The following L1CAM variants were observed in gnomAD, a reference collection of about 807,000 sequenced individuals.
The protein encoded by L1CAM is L1 cell adhesion molecule.
Under a neutral mutation model 93.0 loss-of-function variants are expected in L1CAM, and 8 were observed. The observed-to-expected ratio is 0.09, with a 90% CI of 0.05 to 0.16. L1CAM has a LOEUF of 0.16. L1CAM is among the 10% of genes least tolerant of loss of function. The pLI is 1.00. For missense variants in L1CAM, 777 were observed against 1,073.4 expected, an observed-to-expected ratio of 0.72 and a Z score of 3.86; for synonymous variants, 453 against 453.0, an observed-to-expected ratio of 1.00 and a Z score of 0.00.
At chrX:153,874,518 G>A (rs2064798503) in intron 2 of L1CAM, among the ~76,000 whole-genome samples, 1 of 112,522 alleles carries the variant, frequency 8.9e-6, no homozygotes, top group African/African-American at 3.2e-5. Flanking sequence ...AGTCTGCCTG[G>A]CCCTGGCCCT....
Position 153,868,928 on chromosome X carries a change from G to A in L1CAM, c.1292C>T (p.Ala431Val), listed in dbSNP as rs782779421. The change falls in exon 12 of 29, where the codon GCG becomes GTG. Residue 431 changes from alanine to valine, a missense_variant. Physicochemically the swap from Ala to Val is moderately conservative, Grantham distance 64. This residue lies in a region of L1CAM where 574 missense variants were observed against 781.0 expected (regional missense o/e 0.73). Coordinates refer to ENST00000370060, the MANE Select transcript of L1CAM (RefSeq NM_001278116.2). ...GACAGCCATGTACGTCTGATTGTCC[G>A]CAGTCAGGATCTTGGCTGGCAGCTC... ...VVQLPAKILT[A>V]DNQTYMAVQG... 1.8e-5 allele frequency: 22 copies of A among 1,210,246 alleles called. No homozygotes were observed. The highest frequency in any genetic ancestry group is 1.2e-4 in the South Asian group (7 of 56,996).
In L1CAM at chrX:153,863,534, T is replaced by C. The variant is rs1569544583; in HGVS notation, c.3473A>G (p.Asp1158Gly). The C allele has an allele frequency of 1.7e-6, 2 of 1,209,224 alleles. No individual in the cohort carries two copies. The highest frequency in any genetic ancestry group is 3.0e-5 in the East Asian group (1 of 33,812). The stretch of plus-strand genomic sequence containing the variant: ...TCGGGCCTCAGAGTCCACCTGGGTG[T>C]CCTCCTTATCCTTCACTGGAGACAC... ...GGKYSVKDKE[D>G]TQVDSEARPM... Residue 1158 changes from aspartate (D) to glycine (G), a missense_variant, in exon 27 of 29, where the codon GAC becomes GGC. Physicochemically the swap from Asp to Gly is moderately conservative, Grantham distance 94 (BLOSUM62 -1). Around this residue, in one of 5 missense-constraint regions of L1CAM, gnomAD observed 110 missense variants for 141.7 expected, o/e 0.78. Coordinates refer to ENST00000370060, the MANE Select transcript of L1CAM (RefSeq NM_001278116.2).
chrX:153,864,671 G>A lies in L1CAM; in HGVS notation c.3080C>T (p.Ala1027Val), dbSNP rs2064695109. 1.7e-6 allele frequency: 2 copies of A among 1,211,381 alleles called. No homozygotes were observed. Among genetic ancestry groups the A allele is most frequent in the Non-Finnish European group, 2.2e-6 (2 of 895,135 alleles). Residue 1027 changes from alanine (A) to valine (V), a missense_variant, in exon 24 of 29, where the codon GCG becomes GTG. Physicochemically the swap from Ala to Val is moderately conservative, Grantham distance 64. Around this residue, in one of 5 missense-constraint regions of L1CAM, gnomAD observed 18 missense variants for 53.0 expected, o/e 0.34. Transcript: ENST00000370060. ...GGAGACGACACTGTAGTTTTCACCC[G>A]CTGTGGCTGAGATGTTGCCAAAATC... ...ISDFGNISAT[A>V]GENYSVVSWV...
rs782783740 is a variant in L1CAM, at chrX:153,867,806, T to C, written c.1933A>G (p.Ile645Val). ...CTGAGCTCAAGCCTCTTACTCTCAA[T>C]GGGGGCATTGTGGTCTTCTGCAGGA... is the stretch of plus-strand genomic sequence containing the variant. The part of the protein sequence containing the change: ...WSPAEDHNAP[I>V]EKYDIEFEDK... Residue 645 changes from isoleucine (I) to valine (V), a missense_variant, in exon 16 of 29, where the codon ATT becomes GTT. Transcript: ENST00000370060. The C allele has an allele frequency of 1.7e-6, 2 of 1,203,265 alleles. No homozygotes were observed. The highest frequency in any genetic ancestry group is 3.5e-5 in the African/African-American group (2 of 56,975).
Position 153,870,970 on chromosome X carries a change from G to T in L1CAM, c.524-10C>A, listed in dbSNP as rs1557092927. 14 of 1,211,137 alleles carry T rather than the reference G, an allele frequency of 1.2e-5. No individual in the cohort carries two copies. The highest frequency in any genetic ancestry group is 1.5e-5 in the Non-Finnish European group (13 of 895,288). Reference sequence around the variant, plus strand: ...TTGATGTGCAAGATCTCTGCAGGGGGCAAGGAGGCCGAAGTCATGACCCCG... The same window carrying T: ...TTGATGTGCAAGATCTCTGCAGGGGTCAAGGAGGCCGAAGTCATGACCCCG... On this transcript the variant is annotated splice_polypyrimidine_tract_variant and intron_variant, in intron 6 of 28. Coordinates refer to ENST00000370060, the MANE Select transcript of L1CAM (RefSeq NM_001278116.2).
At chrX:153,884,922 C>T (rs2064869752) in intron 1 of L1CAM, among the ~76,000 whole-genome samples, 1 of 112,961 alleles carries the variant, frequency 8.9e-6, no homozygotes, top group Non-Finnish European at 1.9e-5. Context: ...GCCCCGATGC[C>T]CCTGCCCTCA....
At chrX:153,874,356 G>T (rs1044462417) in intron 2 of L1CAM, among the ~76,000 whole-genome samples, 15 of 113,093 alleles carry the variant, frequency 1.3e-4, no homozygotes, top group African/African-American at 4.8e-4. Flanking sequence ...GTGTTATATT[G>T]TGTATCCACC....
In L1CAM at chrX:153,864,670, C is replaced by A. The variant is rs139393266; in HGVS notation, c.3081G>T (p.Ala1027=). The change falls in exon 24 of 29, where the codon GCG becomes GCT. Residue 1027 remains alanine (A), a synonymous_variant. Coordinates refer to ENST00000370060, the MANE Select transcript of L1CAM (RefSeq NM_001278116.2). Reference sequence around the variant, plus strand: ...AGGAGACGACACTGTAGTTTTCACCCGCTGTGGCTGAGATGTTGCCAAAAT... The same window carrying A: ...AGGAGACGACACTGTAGTTTTCACCAGCTGTGGCTGAGATGTTGCCAAAAT... ...ISDFGNISAT[A]GENYSVVSWV... The A allele has an allele frequency of 1.0e-4, 121 of 1,210,385 alleles. 2 individuals are homozygous for A. In the South Asian group the frequency reaches 2.0e-3, roughly 20 times the overall value.
chrX:153,865,948 G>A (rs1427882043), intron 19 of L1CAM, 129 bp from the exon 20 acceptor site: 1 of 509,146 alleles, frequency 2.0e-6, no homozygotes, highest in Non-Finnish European at 3.5e-6. Flanking sequence ...GAGGAGAGGT[G>A]TGTTTGCATG....
At chrX:153,878,752 G>A (rs1364200902) in intron 1 of L1CAM, among the ~76,000 whole-genome samples, 6 of 111,526 alleles carry the variant, frequency 5.4e-5, no homozygotes, top group South Asian at 3.8e-4. Flanking sequence ...TTTCTGCCAC[G>A]CAAGTTCCTC....
Position 153,864,314 on chromosome X carries a change from C to A in L1CAM, c.3322+8G>T, listed in dbSNP as rs200991619. On this transcript the variant is annotated splice_region_variant and intron_variant, in intron 25 of 28. Coordinates refer to ENST00000370060, the MANE Select transcript of L1CAM (RefSeq NM_001278116.2). ...CTGGCAGGTGATGGCGGGCCCCCGG[C>A]GCCTCACCTGTGCCATTGGTCTTCA... 1.7e-6 allele frequency: 2 copies of A among 1,209,788 alleles called. No homozygotes were observed. The highest frequency in any genetic ancestry group is 1.8e-5 in the South Asian group (1 of 56,980).
rs202067345 is a variant in L1CAM at position 153,865,455 on chromosome X, G to C, written c.2593C>G (p.His865Asp). 3 of 1,209,724 alleles carry C rather than the reference G, an allele frequency of 2.5e-6. No homozygotes were observed. Among genetic ancestry groups the C allele is most frequent in the African/African-American group, 3.5e-5 (2 of 57,273 alleles). Residue 865 changes from histidine (H) to aspartate (D), a missense_variant, in exon 21 of 29, where the codon CAT (histidine) becomes GAT (aspartate). By Grantham distance (81) the His-to-Asp change is moderately conservative. Coordinates refer to ENST00000370060, the MANE Select transcript of L1CAM (RefSeq NM_001278116.2). ...ACCACCACATGGTCTTTGTGGATAT[G>C]TCTCTTGCTGTGCTTCCTCTGACTG... ...EGSQRKHSKR[H>D]IHKDHVVVPA...
At position 153,863,989 on chromosome X, in the gene L1CAM, G is replaced by A. The variant is rs781828655; in HGVS notation, c.3351C>T (p.Phe1117=). The A allele has an allele frequency of 5.8e-6, 7 of 1,211,137 alleles. No homozygotes were observed. The highest frequency in any genetic ancestry group is 3.0e-5 in the East Asian group (1 of 33,819). The part of the protein sequence containing the change: ...TGRVRLPPAG[F]ATEGWFIGFV... ...AGCCGATGAACCAGCCCTCAGTGGC[G>A]AAGCCAGCAGGAGGGAGCCTCACGC... Residue 1117 remains phenylalanine (F), a synonymous_variant, in exon 26 of 29, where the codon TTC becomes TTT. Transcript: ENST00000370060.
intron 1 of L1CAM, among the ~76,000 whole-genome samples, chrX:153,879,539 G>C (rs1557095292): frequency 8.9e-6 from 1 of 112,344 alleles, no homozygotes; most frequent in Non-Finnish European, 1.9e-5. Flanking sequence ...TCAGTGGAGG[G>C]GCTTCCCGGC....
At chrX:153,875,740 A>G (rs2148502490) in intron 2 of L1CAM, 21 bp downstream of exon 2, 3 of 1,193,688 alleles carry the variant, frequency 2.5e-6, no homozygotes, top group Non-Finnish European at 1.1e-6. Context: ...GTAGGCGCCC[A>G]GGCTCCCTTC....
At chrX:153,878,670 C>T (rs1027352495) in intron 1 of L1CAM, among the ~76,000 whole-genome samples, 10 of 111,490 alleles carry the variant, frequency 9.0e-5, no homozygotes, top group South Asian at 3.7e-4. Flanking sequence ...GGGAGGAAAC[C>T]GGAGCAAGGA....
At chrX:153,864,140 G>A in intron 25 of L1CAM, 123 bp from the exon 26 acceptor site, 1 of 1,065,025 alleles carries the variant, frequency 9.4e-7, no homozygotes, top group Non-Finnish European at 1.3e-6. Flanking sequence ...ACAGGGAAAA[G>A]GGCATCTGCG....
At chrX:153,868,240 G>A in intron 14 of L1CAM, 62 bp downstream of exon 14, 3 of 1,205,880 alleles carry the variant, frequency 2.5e-6, no homozygotes, top group Non-Finnish European at 3.4e-6. Context: ...CAAGGACGAG[G>A]CCAAGAGGTC....
rs1395686275 is a variant in L1CAM at position 153,875,498 on chromosome X, C to T, written c.76+263G>A. ...GGCCCAAGACCTCGGGGCCCTGCTC[C>T]AGGTTCGCTGTCCCTGGTGCTGAAA... On this transcript the variant is annotated intron_variant, in intron 2 of 28. Coordinates refer to ENST00000370060, the MANE Select transcript of L1CAM (RefSeq NM_001278116.2). The T allele has an allele frequency of 3.6e-5, 17 of 473,402 alleles. No homozygotes were observed. In the East Asian group the frequency reaches 6.5e-4, roughly 18 times the overall value. 39.0% of individuals were successfully genotyped at this position (473,402 alleles called of 1,213,427 possible).
Sources: allele counts gnomAD v4.1 joint callset (sites outside exome capture counted in the v4.1 genomes callset), GRCh38; gene constraint gnomAD v4.1.1; regional missense constraint gnomAD v4.1.1; transcripts MANE v1.5; gene names NCBI Gene and HGNC (gene_info 2026-07-23, HGNC 2026-07-21).